Variants in CAMSAP2 observed in about 807,000 individuals in gnomAD.
The protein encoded by CAMSAP2 is calmodulin-regulated spectrin-associated protein 2.
Under a neutral mutation model 146.1 loss-of-function variants are expected in CAMSAP2, and 26 were observed. The observed-to-expected ratio is 0.18, with a 90% CI of 0.13 to 0.25. CAMSAP2 has a LOEUF of 0.25. Among genes scored for constraint, CAMSAP2 ranks in the 10% least tolerant of loss-of-function variants. The pLI, the probability that CAMSAP2 is intolerant of heterozygous loss-of-function variation, is 1.00. For synonymous variants in CAMSAP2, 499 were observed against 596.6 expected (o/e 0.84, Z 2.38); for missense variants, 1,381 against 1,759.3 (o/e 0.78, Z 3.85).
chr1:200,848,435 C>G lies in CAMSAP2; in HGVS notation c.1666C>G (p.Pro556Ala). The part of the protein sequence containing the change: ...LQIIHDTEKS[P>A]HTPQPDQIAN... ...AATAATTCATGATACTGAAAAATCT[C>G]CTCATACACCTCAGCCAGACCAAAT... The change falls in exon 11 of 17, where the codon CCT (proline) becomes GCT (alanine). Residue 556 changes from proline to alanine, a missense_variant. This residue lies in a region of CAMSAP2 where 447 missense variants were observed against 462.2 expected (regional missense o/e 0.97). Transcript: ENST00000358823. 6.2e-6 allele frequency: 10 copies of G among 1,613,718 alleles called. No homozygotes were observed. Among genetic ancestry groups the G allele is most frequent in the Non-Finnish European group, 8.5e-6 (10 of 1,179,866 alleles).
Position 200,856,048 on chromosome 1 carries a change from G to C in CAMSAP2, c.3935G>C (p.Cys1312Ser). ...GAAGGCTTCTTATCTCCAAGTCGTT[G>C]TGGCAGTCGAAATGGAGAAAAAGAC... ...SVEGFLSPSR[C>S]GSRNGEKDWE... The change falls in exon 15 of 17, where the codon TGT (cysteine) becomes TCT (serine). Residue 1312 changes from cysteine (C) to serine (S), a missense_variant. Physicochemically the swap from Cys to Ser is moderately radical, Grantham distance 112. Coordinates refer to ENST00000358823, the MANE Select transcript of CAMSAP2 (RefSeq NM_203459.4). 2 of 1,613,898 alleles carry C rather than the reference G, an allele frequency of 1.2e-6. No homozygotes were observed. The highest frequency in any genetic ancestry group is 2.2e-5 in the South Asian group (2 of 91,074).
At chr1:200,846,102 TACATTTCAAAA>T (rs1667453681) in intron 8 of CAMSAP2, among the ~76,000 whole-genome samples, 1 of 152,192 alleles carries the variant, frequency 6.6e-6, no homozygotes, top group Non-Finnish European at 1.5e-5. Context: ...ACATTAAAAA[TACATTTCAAAA>T]ATTATGAGTA....
chr1:200,812,970 C>G (rs542064194), intron 3 of CAMSAP2, among the ~76,000 whole-genome samples: 10 of 152,322 alleles, frequency 6.6e-5, no homozygotes, highest in African/African-American at 2.4e-4. Flanking sequence ...TTTCCCATAG[C>G]CAGCTTGTTC....
rs181007132 is a variant in CAMSAP2 at position 200,767,430 on chromosome 1, T to C, written c.399+6332T>C. Among the ~76,000 whole-genome samples the C allele has an allele frequency of 1.8e-3, 275 of 150,488 alleles. 2 individuals carry two copies. The highest frequency in any genetic ancestry group is 5.9e-3 in the African/African-American group (243 of 41,150). On this transcript the variant is annotated intron_variant, in intron 2 of 16. Transcript: ENST00000358823. ...CATTATTTTTGCTGGATACACAAAA[T>C]GTATTGAGAACAGAGAAGCTGATCC...
At chr1:200,834,006 G>C (rs951135669) in intron 6 of CAMSAP2, among the ~76,000 whole-genome samples, 42 of 152,064 alleles carry the variant, frequency 2.8e-4, no homozygotes, top group African/African-American at 9.9e-4. Flanking sequence ...ATTTCACATG[G>C]GTAGTATTAT....
intron 11 of CAMSAP2, 32 bp from the exon 12 acceptor site, chr1:200,852,509 G>T (rs2102261323): frequency 6.3e-7 from 1 of 1,597,514 alleles, no homozygotes; most frequent in Non-Finnish European, 8.5e-7. Flanking sequence ...TACCTAAAAT[G>T]TTTGATCGTT....
intron 14 of CAMSAP2, 40 bp from the exon 15 acceptor site, chr1:200,855,968 TTC>T (rs1324546347): frequency 3.6e-6 from 5 of 1,370,714 alleles, no homozygotes; most frequent in Non-Finnish European, 4.1e-6. Context: ...GCCCCATTTT[TTC>T]TCTGTTTGAG....
intron 1 of CAMSAP2, among the ~76,000 whole-genome samples, chr1:200,758,528 A>C (rs1340892922): frequency 6.6e-6 from 1 of 152,244 alleles, no homozygotes; most frequent in Non-Finnish European, 1.5e-5. Flanking sequence ...CTACGAAGAA[A>C]GGAAAGTGTT....
chr1:200,844,758 G>A, intron 7 of CAMSAP2, 24 bp from the exon 8 acceptor site: 1 of 1,406,870 alleles, frequency 7.1e-7, no homozygotes, highest in Non-Finnish European at 9.7e-7. Flanking sequence ...ATTTGAGGGT[G>A]TTTTTAAAAA....
At chr1:200,795,902 A>C (rs1571763349) in intron 2 of CAMSAP2, among the ~76,000 whole-genome samples, 1 of 152,244 alleles carries the variant, frequency 6.6e-6, no homozygotes, top group Non-Finnish European at 1.5e-5. Context: ...TGATAGTCGC[A>C]TGCTAGTCAT....
At chr1:200,828,512 T>G (rs1666960075) in intron 4 of CAMSAP2, 1 of 1,487,878 alleles carries the variant, frequency 6.7e-7, no homozygotes. Context: ...TTGAAGATAA[T>G]TCTGATGAAT....
chr1:200,766,904 C>G (rs138308630), intron 2 of CAMSAP2, among the ~76,000 whole-genome samples: 33 of 152,238 alleles, frequency 2.2e-4, no homozygotes, highest in African/African-American at 7.9e-4. Flanking sequence ...CCACTCTGTT[C>G]CTGTATTAAA....
Position 200,853,007 on chromosome 1 carries a change from A to G in CAMSAP2, c.3603-268A>G, listed in dbSNP as rs1667662367. Reference sequence around the variant, plus strand: ...AATAACTTTCCTGGGAGATACACACACACACACACACACACACACACACGA... The same window carrying G: ...AATAACTTTCCTGGGAGATACACACGCACACACACACACACACACACACGA... On this transcript the variant is annotated intron_variant, in intron 12 of 16. Coordinates refer to ENST00000358823, the MANE Select transcript of CAMSAP2 (RefSeq NM_203459.4). This position sits in a 1 kb window ranked among gnomAD's most constrained non-coding sequence, Gnocchi z 5.1. Among the ~76,000 whole-genome samples, 1 of 51,752 alleles carries G rather than the reference A, an allele frequency of 1.9e-5. No individual in the cohort carries two copies. Among genetic ancestry groups the G allele is most frequent in the South Asian group, 4.5e-4 (1 of 2,204 alleles). 34.0% of individuals were successfully genotyped at this position (51,752 alleles called of 152,430 possible).
chr1:200,852,720 G>T (rs1293476283), intron 12 of CAMSAP2, 43 bp downstream of exon 12: 2 of 1,580,836 alleles, frequency 1.3e-6, no homozygotes, highest in African/African-American at 2.7e-5. Flanking sequence ...GAACTTTAAT[G>T]ATGCATGGGC....
Position 200,849,069 on chromosome 1 carries a change from A to G in CAMSAP2, c.2300A>G (p.Gln767Arg), listed in dbSNP as rs1667543793. ...GAAAAGAGGCGTGCTATAGAAGCCC[A>G]GAAAAAGAAAATGGAAGCTGCTTTT... ...LEEKRRAIEA[Q>R]KKKMEAAFTK... Residue 767 changes from glutamine (Q) to arginine (R), a missense_variant, in exon 11 of 17, where the codon CAG (glutamine) becomes CGG (arginine). This residue lies in a region of CAMSAP2 where 560 missense variants were observed against 715.9 expected (regional missense o/e 0.78). Coordinates refer to ENST00000358823, the MANE Select transcript of CAMSAP2 (RefSeq NM_203459.4). This position sits in a 1 kb window ranked among gnomAD's most constrained non-coding sequence, Gnocchi z 6.3. 1.9e-6 allele frequency: 3 copies of G among 1,614,064 alleles called. No individual in the cohort carries two copies. The highest frequency in any genetic ancestry group is 2.5e-6 in the Non-Finnish European group (3 of 1,180,010).
chr1:200,747,636 G>A (rs181641000), intron 1 of CAMSAP2, among the ~76,000 whole-genome samples: 5 of 152,160 alleles, frequency 3.3e-5, no homozygotes, highest in African/African-American at 1.2e-4. Context: ...GGGCTGTAGC[G>A]TCATTTCTCT....
At chr1:200,823,313 A>T (rs558935603) in intron 4 of CAMSAP2, among the ~76,000 whole-genome samples, 1 of 152,328 alleles carries the variant, frequency 6.6e-6, no homozygotes, top group African/African-American at 2.4e-5. Flanking sequence ...TTATTACAGA[A>T]TTATTTTAGA....
chr1:200,748,900 GT>G (rs1664420265), intron 1 of CAMSAP2, among the ~76,000 whole-genome samples: 1 of 151,686 alleles, frequency 6.6e-6, no homozygotes, highest in South Asian at 2.1e-4. Context: ...TTATTATTTG[GT>G]TACCCTGAGT....
rs540847853 is a variant in CAMSAP2 at position 200,739,620 on chromosome 1, A to AGCGGCGGCGGCG, written c.-196_-185dup. On this transcript the variant is annotated 5_prime_UTR_variant, in exon 1 of 17. Transcript: ENST00000358823. This position sits in a 1 kb window ranked among gnomAD's most constrained non-coding sequence, Gnocchi z 4.8. The stretch of plus-strand genomic sequence containing the variant: ...GCGCCGCCACATTCCTATGCCCGGG[A>AGCGGCGGCGGCG]GCGGCGGCGGCGGCGGCGGCGGCTC... 3.9e-4 allele frequency: 118 copies of AGCGGCGGCGGCG among 304,408 alleles called. 2 individuals carry two copies. The highest frequency in any genetic ancestry group is 2.6e-3 in the African/African-American group (114 of 44,306). 18.9% of individuals were successfully genotyped at this position (304,408 alleles called of 1,614,324 possible).
Sources: gnomAD v4.1 joint callset for allele counts (sites outside exome capture counted in the v4.1 genomes callset) on GRCh38, gnomAD v4.1.1 for gene constraint, gnomAD v4.1.1 regional missense constraint, Gnocchi (gnomAD v3.1) non-coding constraint, MANE v1.5 for transcripts, NCBI Gene and HGNC (gene_info 2026-07-23, HGNC 2026-07-21) for gene names.